Variants in STN1 observed in about 807,000 individuals in gnomAD.
The protein encoded by STN1 is CST complex subunit STN1.
Under a neutral mutation model 45.5 loss-of-function variants are expected in STN1, and 29 were observed. That is an observed-to-expected ratio of 0.64 (90% CI 0.47 to 0.87). The LOEUF (loss-of-function observed/expected upper bound fraction) is 0.87, where lower values mean the gene tolerates loss of function less well. Ranked by LOEUF, STN1 falls within the 40% of genes least tolerant of loss-of-function variation. The pLI is 0.00. For missense variants in STN1, 376 were observed against 441.4 expected, an observed-to-expected ratio of 0.85 and a Z score of 1.33; for synonymous variants, 148 against 159.0, an observed-to-expected ratio of 0.93 and a Z score of 0.52.
intron 2 of STN1, among the ~76,000 whole-genome samples, chr10:103,916,668 C>T (rs929751777): frequency 6.6e-6 from 1 of 151,962 alleles, no homozygotes; most frequent in Non-Finnish European, 1.5e-5. Context: ...TCAAATAGCA[C>T]AGTAAACATG....
chr10:103,877,687 A>T lies in STN1; in HGVS notation c.*4997T>A, dbSNP rs969427744. 6.6e-6 allele frequency: 1 copy of T among 152,238 alleles called. No individual in the cohort carries two copies. Among genetic ancestry groups the T allele is most frequent in the Non-Finnish European group, 1.5e-5 (1 of 68,030 alleles). 9.4% of individuals were successfully genotyped at this position (152,238 alleles called of 1,614,324 possible). The stretch of plus-strand genomic sequence containing the variant: ...TCTGGATTACAATGAAAACTCACTT[A>T]TGTGGGAGTTTGAGCTCACATTTAC... On this transcript the variant is annotated 3_prime_UTR_variant, in exon 10 of 10. Transcript: ENST00000224950.
intron 1 of STN1, 67 bp from the exon 2 acceptor site, chr10:103,917,723 C>T: frequency 9.3e-7 from 1 of 1,075,532 alleles, no homozygotes; most frequent in East Asian, 2.5e-5. Context: ...GGCCCTGACG[C>T]TGCTCCCAGG....
chr10:103,895,593 T>C (rs1047319583), intron 7 of STN1, among the ~76,000 whole-genome samples: 14 of 152,228 alleles, frequency 9.2e-5, no homozygotes, highest in Non-Finnish European at 1.3e-4. Flanking sequence ...CTTTCCACTT[T>C]GGTGTTTTCT....
rs773496442 is a variant in STN1 at position 103,897,633 on chromosome 10, C to T, written c.668G>A (p.Ser223Asn). 6.2e-7 allele frequency: 1 copy of T among 1,614,180 alleles called. No homozygotes were observed. The highest frequency in any genetic ancestry group is 1.1e-5 in the South Asian group (1 of 91,084). The change falls in exon 7 of 10, where the codon AGC becomes AAC. Residue 223 changes from serine (S) to asparagine (N), a missense_variant. Transcript: ENST00000224950. ...KEFLMENRVQSFYQQELEMVE... is the reference protein window; with the variant it reads ...KEFLMENRVQNFYQQELEMVE... ...CATTTCCAGCTCCTGCTGGTAAAAG[C>T]TCTGCACTCTGTTCTCCATGAGGAA...
intron 2 of STN1, among the ~76,000 whole-genome samples, chr10:103,914,364 ATATATATATAT>A (rs1274975997): frequency 0.025 from 218 of 8,726 alleles, 3 homozygotes; most frequent in Middle Eastern, 0.071. Context: ...ATATATATAT[ATATATATATAT>A]TTTTTTTTTT....
intron 3 of STN1, among the ~76,000 whole-genome samples, chr10:103,909,502 G>GTA (rs1491025108): frequency 0.058 from 2,217 of 38,240 alleles, 317 homozygotes; most frequent in East Asian, 0.21. Context: ...GTGTGTATAT[G>GTA]TATATATGTA....
Position 103,892,925 on chromosome 10 carries a change from C to T in STN1, c.754-673G>A, listed in dbSNP as rs553318492. ...TCCAGGTCATCCTGCTTCTTATCCCCGAGGAAGCTAGGCTATCAGCTATGT... is the reference window on the plus strand; with the variant it reads ...TCCAGGTCATCCTGCTTCTTATCCCTGAGGAAGCTAGGCTATCAGCTATGT... On this transcript the variant is annotated intron_variant, in intron 7 of 9. Coordinates refer to ENST00000224950, the MANE Select transcript of STN1 (RefSeq NM_024928.5). Among the ~76,000 whole-genome samples the T allele has an allele frequency of 6.6e-5, 10 of 152,252 alleles. No individual in the cohort carries two copies. In the East Asian group the frequency reaches 1.4e-3, roughly 21 times the overall value.
intron 9 of STN1, among the ~76,000 whole-genome samples, chr10:103,884,389 T>C (rs1843090608): frequency 6.6e-6 from 1 of 152,184 alleles, no homozygotes. Flanking sequence ...TCTTGCATTG[T>C]AATTTGGATA....
intron 9 of STN1, among the ~76,000 whole-genome samples, chr10:103,884,000 G>A (rs1175469866): frequency 7.2e-6 from 1 of 138,426 alleles, no homozygotes; most frequent in Non-Finnish European, 1.5e-5. Flanking sequence ...TGAGGCAGGA[G>A]AATCACTTGA....
intron 7 of STN1, among the ~76,000 whole-genome samples, chr10:103,894,691 C>CA (rs75334190): frequency 0.26 from 28,055 of 106,048 alleles, 2,892 homozygotes; most frequent in South Asian, 0.35. Flanking sequence ...TGCTCACAGG[C>CA]AAAAAAAAAA....
chr10:103,888,945 G>T, intron 9 of STN1, 127 bp downstream of exon 9: 1 of 672,520 alleles, frequency 1.5e-6, no homozygotes, highest in South Asian at 1.7e-5. Context: ...CAGGTACTTT[G>T]ACTATCACCT....
At chr10:103,889,695 C>CTTTTTTTTTTTTTTTT in intron 8 of STN1, among the ~76,000 whole-genome samples, 1 of 122,098 alleles carries the variant, frequency 8.2e-6, no homozygotes, top group Non-Finnish European at 1.7e-5. Flanking sequence ...TTTCTTTTTC[C>CTTTTTTTTTTTTTTTT]TTTTTTTTTT....
At chr10:103,895,187 GT>G (rs1248601343) in intron 7 of STN1, among the ~76,000 whole-genome samples, 1 of 152,186 alleles carries the variant, frequency 6.6e-6, no homozygotes, top group African/African-American at 2.4e-5. Context: ...AACAAATATA[GT>G]GCCATATTCG....
rs1843070383 is a variant in STN1 at position 103,881,760 on chromosome 10, C to G, written c.*924G>C. ...TTTGCTGGCTGGATTTGTCATTTTG[C>G]TGTCAGAACAGGCCTACAACATACC... is the stretch of plus-strand genomic sequence containing the variant. On this transcript the variant is annotated 3_prime_UTR_variant, in exon 10 of 10. Coordinates refer to ENST00000224950, the MANE Select transcript of STN1 (RefSeq NM_024928.5). 6.6e-6 allele frequency among the ~76,000 whole-genome samples: 1 copy of G among 152,198 alleles called. No homozygotes were observed. Among genetic ancestry groups the G allele is most frequent in the Admixed American group, 6.5e-5 (1 of 15,284 alleles).
chr10:103,893,662 T>C (rs1564632432), intron 7 of STN1, among the ~76,000 whole-genome samples: 1 of 152,182 alleles, frequency 6.6e-6, no homozygotes, highest in East Asian at 1.9e-4. Context: ...TAATGACATT[T>C]CCTCAAGGGG....
In STN1 at chr10:103,880,529, C is replaced by T. The variant is rs568267073; in HGVS notation, c.*2155G>A. On this transcript the variant is annotated 3_prime_UTR_variant, in exon 10 of 10. Coordinates refer to ENST00000224950, the MANE Select transcript of STN1 (RefSeq NM_024928.5). ...GCCTCATGTCACTATCAGGAGCAAG[C>T]CTGGGGTCAGGAGTAATTGGGAGCC... 6.8e-6 allele frequency among the ~76,000 whole-genome samples: 1 copy of T among 146,810 alleles called. No homozygotes were observed. The highest frequency in any genetic ancestry group is 1.9e-4 in the East Asian group (1 of 5,182).
intron 9 of STN1, among the ~76,000 whole-genome samples, chr10:103,888,439 A>T (rs1843117652): frequency 6.6e-6 from 1 of 152,188 alleles, no homozygotes; most frequent in Non-Finnish European, 1.5e-5. Flanking sequence ...CTAGTGTGGA[A>T]ATGGTATTGT....
intron 5 of STN1, 171 bp downstream of exon 5, chr10:103,899,891 G>T: frequency 1.8e-6 from 1 of 554,790 alleles, no homozygotes; most frequent in Non-Finnish European, 3.1e-6. Flanking sequence ...CAAAATAAAA[G>T]TAAGAAATGC....
At chr10:103,913,440 C>A (rs566072756) in intron 2 of STN1, among the ~76,000 whole-genome samples, 2 of 151,322 alleles carry the variant, frequency 1.3e-5, no homozygotes, top group African/African-American at 2.4e-5. Flanking sequence ...CTTCCAGTTC[C>A]AAGTGGCTGA....
Sources: allele counts gnomAD v4.1 joint callset (sites outside exome capture counted in the v4.1 genomes callset), GRCh38; gene constraint gnomAD v4.1.1; transcripts MANE v1.5; gene names NCBI Gene and HGNC (gene_info 2026-07-23, HGNC 2026-07-21).